Variants in GPR35 observed in about 807,000 individuals in gnomAD.
GPR35 encodes KYNA receptor.
For missense variants in GPR35, 372 were observed against 422.5 expected (o/e 0.88, Z 1.05); for synonymous variants, 207 against 198.4 (o/e 1.04, Z -0.36).
chr2:240,629,912 ACT>A (rs766227809), intron 1 of GPR35, 35 bp from the exon 2 acceptor site: 19 of 1,545,246 alleles, frequency 1.2e-5, no homozygotes, highest in Non-Finnish European at 1.7e-5. Flanking sequence ...CCCCCTGCTC[ACT>A]CTCTGCTGAC....
At chr2:240,626,851 C>T (rs912324695) in intron 1 of GPR35, among the ~76,000 whole-genome samples, 11 of 152,110 alleles carry the variant, frequency 7.2e-5, no homozygotes, top group South Asian at 6.2e-4. Context: ...GGGCGGGTCC[C>T]GGGTCCAGAC....
Position 240,625,770 on chromosome 2 carries a change from G to A in GPR35, c.-5+202G>A, listed in dbSNP as rs1279658492. The stretch of plus-strand genomic sequence containing the variant: ...TCAGAGCGGGGTGAGGCTGTGATGG[G>A]GGTCTCAGAGCAGGGTGAGGCTGTG... On this transcript the variant is annotated intron_variant, in intron 1 of 1. Transcript: ENST00000407714. 1.1e-3 allele frequency among the ~76,000 whole-genome samples: 168 copies of A among 150,616 alleles called. 2 individuals are homozygous for A. The highest frequency in any genetic ancestry group is 3.8e-3 in the African/African-American group (154 of 40,910).
intron 2 of GPR35, among the ~76,000 whole-genome samples, chr2:240,613,853 A>G (rs539259196): frequency 4.7e-4 from 70 of 148,902 alleles, no homozygotes; most frequent in African/African-American, 1.6e-3. Flanking sequence ...AACCCTAACC[A>G]AAACTCTAAC....
intron 2 of GPR35, chr2:240,616,316 C>A (rs147299818): frequency 1.4e-6 from 1 of 692,362 alleles, no homozygotes; most frequent in Non-Finnish European, 2.6e-6. Flanking sequence ...GAGGTCCCCG[C>A]GGTCCCGGCC....
In GPR35 at chr2:240,630,501, C is replaced by T. The variant is rs748890433; in HGVS notation, c.549C>T (p.Pro183=). The T allele has an allele frequency of 7.4e-6, 12 of 1,612,844 alleles. No individual in the cohort carries two copies. The highest frequency in any genetic ancestry group is 1.3e-5 in the African/African-American group (1 of 74,922). The change falls in exon 2 of 2, where the codon CCC becomes CCT. Residue 183 remains proline, a synonymous_variant. Transcript: ENST00000407714. ...MAFPLLGFYL[P]LAVVVFCSLK... is the part of the protein sequence containing the mutation. ...TCCCGCTGCTGGGATTCTACCTGCC[C>T]CTGGCCGTGGTGGTCTTCTGCTCCC...
chr2:240,615,777 T>A (rs577454187), intron 2 of GPR35, among the ~76,000 whole-genome samples: 5 of 152,278 alleles, frequency 3.3e-5, no homozygotes, highest in Non-Finnish European at 5.9e-5. Flanking sequence ...AGTTAACTTT[T>A]ACATTTTCTC....
At chr2:240,609,455 A>C (rs2043163517) in intron 2 of GPR35, among the ~76,000 whole-genome samples, 2 of 152,144 alleles carry the variant, frequency 1.3e-5, no homozygotes, top group African/African-American at 4.8e-5. Flanking sequence ...CTCCTTGATT[A>C]CTTCTTTGAT....
intron 2 of GPR35, among the ~76,000 whole-genome samples, chr2:240,609,829 A>G (rs2043166141): frequency 6.6e-6 from 1 of 152,220 alleles, no homozygotes; most frequent in African/African-American, 2.4e-5. Flanking sequence ...ACCGATCACA[A>G]TCATGAATTT....
intron 1 of GPR35, chr2:240,629,661 G>A: frequency 2.8e-6 from 1 of 353,686 alleles, no homozygotes; most frequent in Non-Finnish European, 5.2e-6. Flanking sequence ...GGGACTGGAG[G>A]GGAACGTGGA....
Position 240,627,221 on chromosome 2 carries a change from G to A in GPR35, c.-5+1653G>A, listed in dbSNP as rs1443579465. 2.0e-5 allele frequency among the ~76,000 whole-genome samples: 3 copies of A among 152,340 alleles called. No individual in the cohort carries two copies. In the East Asian group the frequency reaches 5.8e-4, roughly 29 times the overall value. ...CAGATTCCTGTGCGGGACTGGGGCAGTAGGTGGGCATCTGTGCTGGCCATG... is the reference window on the plus strand; with the variant it reads ...CAGATTCCTGTGCGGGACTGGGGCAATAGGTGGGCATCTGTGCTGGCCATG... On this transcript the variant is annotated intron_variant, in intron 1 of 1. Coordinates refer to ENST00000407714, the MANE Select transcript of GPR35 (RefSeq NM_005301.5).
rs566972661 is a variant in GPR35 at position 240,607,036 on chromosome 2, T to A, written c.-577+424T>A. Among the ~76,000 whole-genome samples the A allele has an allele frequency of 2.0e-5, 3 of 152,256 alleles. No homozygotes were observed. The East Asian group carries it at 5.8e-4, about 29-fold the overall frequency. ...TGATGGAGAGGAGAATAGGCTAGTGTTGACATATACCCAGGAAGCAAAACC... is the reference window on the plus strand; with the variant it reads ...TGATGGAGAGGAGAATAGGCTAGTGATGACATATACCCAGGAAGCAAAACC... On this transcript the variant is annotated intron_variant, in intron 2 of 5. Transcript: ENST00000319838.
Position 240,612,116 on chromosome 2 carries a change from G to A in GPR35, c.-576-4272G>A, listed in dbSNP as rs75621411. 1.2e-3 allele frequency among the ~76,000 whole-genome samples: 184 copies of A among 152,060 alleles called. 2 individuals carry two copies. In the East Asian group the frequency reaches 0.034, roughly 28 times the overall value. ...TTAAGTTCTGTTCCTTCACTTTCAC[G>A]GTGGGTGCATTGGTGTTCATTTAGA... is the stretch of plus-strand genomic sequence containing the variant. On this transcript the variant is annotated intron_variant, in intron 2 of 5. Coordinates refer to the GPR35 transcript ENST00000319838.
chr2:240,622,463 C>T (rs2043306647), upstream of GPR35, among the ~76,000 whole-genome samples: 1 of 152,200 alleles, frequency 6.6e-6, no homozygotes. Context: ...CCCCGGGCCG[C>T]ATTGGAATAA....
At chr2:240,606,942 A>C (rs191733812) in intron 2 of GPR35, among the ~76,000 whole-genome samples, 24 of 152,296 alleles carry the variant, frequency 1.6e-4, no homozygotes, top group African/African-American at 4.6e-4. Context: ...TCGAGGATGA[A>C]TTGGAAGTAG....
At chr2:240,609,360 C>G (rs1243003790) in intron 2 of GPR35, among the ~76,000 whole-genome samples, 1 of 152,198 alleles carries the variant, frequency 6.6e-6, no homozygotes, top group African/African-American at 2.4e-5. Flanking sequence ...TACAGATTTT[C>G]CTCTAAGCAT....
rs2125492096 is a variant in GPR35 at position 240,633,083 on chromosome 2, C to G, written c.*2201C>G. Among the ~76,000 whole-genome samples the G allele has an allele frequency of 6.6e-6, 1 of 152,248 alleles. No homozygotes were observed. Among genetic ancestry groups the G allele is most frequent in the East Asian group, 1.9e-4 (1 of 5,172 alleles). ...TTCCTTGCTTCCCCTTCACCTTCTG[C>G]CATGATTGTAAGTTTCCTGAGGCCT... On this transcript the variant is annotated 3_prime_UTR_variant, in exon 2 of 2. Coordinates refer to ENST00000407714, the MANE Select transcript of GPR35 (RefSeq NM_005301.5).
rs776758994 is a variant in GPR35, at chr2:240,629,983, A to G, written c.31A>G (p.Ser11Gly). 17 of 1,608,504 alleles carry G rather than the reference A, an allele frequency of 1.1e-5. No homozygotes were observed. In the African/African-American group the frequency reaches 1.9e-4, roughly 18 times the overall value. The part of the protein sequence containing the change: MNGTYNTCGS[S>G]DLTWPPAIKL... ...TGGCACCTACAACACCTGTGGCTCC[A>G]GCGACCTCACCTGGCCCCCAGCGAT... is the stretch of plus-strand genomic sequence containing the variant. The change falls in exon 2 of 2, where the codon AGC (serine) becomes GGC (glycine). Residue 11 changes from serine to glycine, a missense_variant. Ser to Gly is a moderately conservative substitution (Grantham distance 56). Coordinates refer to ENST00000407714, the MANE Select transcript of GPR35 (RefSeq NM_005301.5).
intron 1 of GPR35, among the ~76,000 whole-genome samples, chr2:240,625,821 T>C: frequency 1.2e-5 from 1 of 85,518 alleles, no homozygotes; most frequent in African/African-American, 4.4e-5. Context: ...GGGGTGAGGC[T>C]GTGATGGGTG....
intron 5 of GPR35, among the ~76,000 whole-genome samples, chr2:240,620,144 G>T (rs2043277418): frequency 6.6e-6 from 1 of 152,180 alleles, no homozygotes; most frequent in Non-Finnish European, 1.5e-5. Context: ...CCACCCCGAG[G>T]CCAGGTGGGG....
Sources: gnomAD v4.1 joint callset for allele counts (sites outside exome capture counted in the v4.1 genomes callset) on GRCh38, gnomAD v4.1.1 for gene constraint, MANE v1.5 for transcripts, NCBI Gene and HGNC (gene_info 2026-07-23, HGNC 2026-07-21) for gene names.